The following ZNF219 variants were observed in gnomAD, a reference collection of about 807,000 sequenced individuals.
ZNF219 encodes zinc finger protein 219.
ZNF219 carries 17 observed loss-of-function variants against 54.4 expected under a neutral mutation model. The observed-to-expected ratio is 0.31, with a 90% CI of 0.21 to 0.47. The LOEUF is 0.47. ZNF219 is among the 20% of genes least tolerant of loss of function. ZNF219 has a pLI of 1.00. For missense variants in ZNF219, 1,014 were observed against 1,062.3 expected (o/e 0.95, Z 0.63); for synonymous variants, 518 against 476.4 (o/e 1.09, Z -1.14).
chr14:21,092,213 G>T lies in ZNF219; in HGVS notation c.1084C>A (p.Leu362Ile). 6.9e-7 allele frequency: 1 copy of T among 1,439,080 alleles called. No individual in the cohort carries two copies. The highest frequency in any genetic ancestry group is 1.5e-5 in the South Asian group (1 of 68,172). 89.1% of individuals were successfully genotyped at this position (1,439,080 alleles called of 1,614,324 possible). A position where few individuals can be genotyped will look rare whatever the true frequency, so the allele number is the denominator to read the frequency against. Residue 362 changes from leucine (L) to isoleucine (I), a missense_variant, in exon 3 of 5, where the codon CTC (leucine) becomes ATC (isoleucine). This residue lies in a region of ZNF219 where 272 missense variants were observed against 248.9 expected (regional missense o/e 1.09). Transcript: ENST00000360947. ...GCCGGGGTGGGAGCCGGGGCCAAGA[G>T]GAGCGCTGGGCCCAACGGCTCATAG... ...LAYEPLGPAL[L>I]LAPAPTPAER...
At chr14:21,101,090 G>A (rs1241564438), upstream of ZNF219, 1 of 352,564 alleles carries the variant, frequency 2.8e-6, no homozygotes, top group East Asian at 5.9e-5. Flanking sequence ...TCCTCTGCCA[G>A]GACAAGTTTG....
chr14:21,096,955 C>G (rs1490169426), intron 1 of ZNF219, among the ~76,000 whole-genome samples: 1 of 152,196 alleles, frequency 6.6e-6, no homozygotes, highest in Non-Finnish European at 1.5e-5. Context: ...CTCTGGTCAC[C>G]TCTAACACGA....
At chr14:21,103,081 T>G, upstream of ZNF219, 1 of 1,550,958 alleles carries the variant, frequency 6.4e-7, no homozygotes, top group Non-Finnish European at 8.7e-7. Flanking sequence ...GTTGTTTCTG[T>G]CTGGGGTTTC....
upstream of ZNF219, chr14:21,102,392 G>T: frequency 6.4e-7 from 1 of 1,551,608 alleles, no homozygotes; most frequent in Non-Finnish European, 8.7e-7. Flanking sequence ...GGGCTGAGCT[G>T]GCTCACTGGC....
chr14:21,101,523 C>T, upstream of ZNF219: 1 of 1,401,374 alleles, frequency 7.1e-7, no homozygotes, highest in Non-Finnish European at 9.8e-7. Flanking sequence ...TCCATCCATC[C>T]ATCCATGTTA....
At chr14:21,098,128 C>T (rs1027404964) in intron 1 of ZNF219, among the ~76,000 whole-genome samples, 184 bp downstream of exon 1, 2 of 150,232 alleles carry the variant, frequency 1.3e-5, no homozygotes, top group African/African-American at 2.4e-5. Flanking sequence ...ACCCCGCCCC[C>T]CCAGGAGCTC....
At chr14:21,101,237 G>T (rs965456007), upstream of ZNF219, 25 of 1,005,128 alleles carry the variant, frequency 2.5e-5, no homozygotes, top group Non-Finnish European at 3.7e-5. Flanking sequence ...GTGGGCAGAG[G>T]TGTAGCTGAA....
chr14:21,102,117 G>A, upstream of ZNF219: 2 of 1,550,802 alleles, frequency 1.3e-6, no homozygotes, highest in Non-Finnish European at 1.7e-6. Flanking sequence ...CCCGCCTTTG[G>A]AAGGTGAGAG....
At chr14:21,102,301 C>A, upstream of ZNF219, 1 of 1,451,688 alleles carries the variant, frequency 6.9e-7, no homozygotes, top group South Asian at 1.3e-5. Flanking sequence ...TGTTTGGAGG[C>A]TGAGAAGCAG....
In ZNF219 at chr14:21,093,510, AAGAG is replaced by A. The variant is rs1165505837; in HGVS notation, c.6+72_6+75del. 5.2e-6 allele frequency: 8 copies of A among 1,529,782 alleles called. No homozygotes were observed. The East Asian group carries it at 1.1e-4, about 22-fold the overall frequency. 94.8% of individuals were successfully genotyped at this position (1,529,782 alleles called of 1,614,324 possible). A position where few individuals can be genotyped will look rare whatever the true frequency, so the allele number is the denominator to read the frequency against. The stretch of plus-strand genomic sequence containing the variant: ...GTTAACTTCTAATAATGGGAGGTCA[AAGAG>A]AGAGAGAGGTAGGCAGGAGAGGGAG... On this transcript the variant is annotated intron_variant, in intron 2 of 4. Transcript: ENST00000360947.
At chr14:21,103,900 C>T (rs898212049), upstream of ZNF219, 6 of 152,420 alleles carry the variant, frequency 3.9e-5, no homozygotes, top group Non-Finnish European at 8.8e-5. Flanking sequence ...GTCCCCAGCC[C>T]TGCGCTGGCA....
In ZNF219 at chr14:21,092,000, C is replaced by T. The variant is rs1270443905; in HGVS notation, c.1297G>A (p.Val433Met). 1.3e-6 allele frequency: 2 copies of T among 1,558,596 alleles called. No individual in the cohort carries two copies. Among genetic ancestry groups the T allele is most frequent in the Non-Finnish European group, 1.7e-6 (2 of 1,151,752 alleles). ...AEEPEEEEEVVEAEEETWARG... is the reference protein window; with the variant it reads ...AEEPEEEEEVMEAEEETWARG... ...GCCCAGGTTTCCTCCTCGGCCTCCA[C>T]CACCTCCTCTTCTTCCTCAGGCTCC... is the stretch of plus-strand genomic sequence containing the variant. The change falls in exon 3 of 5, where the codon GTG (valine) becomes ATG (methionine). Residue 433 changes from valine (V) to methionine (M), a missense_variant. Val to Met is a conservative substitution (Grantham distance 21). Around this residue, in one of 5 missense-constraint regions of ZNF219, gnomAD observed 272 missense variants for 248.9 expected, o/e 1.09. Coordinates refer to ENST00000360947, the MANE Select transcript of ZNF219 (RefSeq NM_016423.3).
chr14:21,096,350 A>G (rs912139878), intron 1 of ZNF219, among the ~76,000 whole-genome samples: 2 of 152,216 alleles, frequency 1.3e-5, no homozygotes, highest in Non-Finnish European at 1.5e-5. Flanking sequence ...CCTAAAATCA[A>G]CAAAACTCAC....
In ZNF219 at chr14:21,090,885, C is replaced by T. The variant is rs746104057; in HGVS notation, c.1820G>A (p.Arg607Gln). Reference protein sequence around the residue: ...PSSGAGPGSRRKPASPGRTLR... With the variant: ...PSSGAGPGSRQKPASPGRTLR... ...GGTCCTCCCAGGGCTGGCGGGCTTC[C>T]GACGGGACCCCGGCCCAGCACCGCT... Residue 607 changes from arginine to glutamine, a missense_variant, in exon 5 of 5, where the codon CGG becomes CAG. Around this residue, in one of 5 missense-constraint regions of ZNF219, gnomAD observed 281 missense variants for 271.2 expected, o/e 1.04. Coordinates refer to ENST00000360947, the MANE Select transcript of ZNF219 (RefSeq NM_016423.3). This position sits in a 1 kb window ranked among gnomAD's most constrained non-coding sequence, Gnocchi z 4.4. 2.6e-6 allele frequency: 4 copies of T among 1,550,486 alleles called. No individual in the cohort carries two copies. The highest frequency in any genetic ancestry group is 2.4e-5 in the East Asian group (1 of 41,470).
rs1888920275 is a variant in ZNF219 at position 21,091,918 on chromosome 14, G to A, written c.1379C>T (p.Pro460Leu). ...CCCAGCAGCAGAGGCAGAGTGCCCC[G>A]GTCCCTCACCCGGGCGCGGGTGCAG... ...ASLHPRPGEG[P>L]GHSASAAGAQ... The change falls in exon 3 of 5, where the codon CCG (proline) becomes CTG (leucine). Residue 460 changes from proline to leucine, a missense_variant. Pro to Leu is a moderately conservative substitution (Grantham distance 98). Around this residue, in one of 5 missense-constraint regions of ZNF219, gnomAD observed 272 missense variants for 248.9 expected, o/e 1.09. Coordinates refer to ENST00000360947, the MANE Select transcript of ZNF219 (RefSeq NM_016423.3). The A allele has an allele frequency of 1.2e-6, 2 of 1,600,242 alleles. No homozygotes were observed. Among genetic ancestry groups the A allele is most frequent in the South Asian group, 1.1e-5 (1 of 89,214 alleles).
At chr14:21,096,415 G>T (rs1889280534) in intron 1 of ZNF219, among the ~76,000 whole-genome samples, 1 of 152,136 alleles carries the variant, frequency 6.6e-6, no homozygotes, top group African/African-American at 2.4e-5. Flanking sequence ...ATCAAACCAG[G>T]TTCCAGACAC....
chr14:21,102,365 C>G (rs1238755913), upstream of ZNF219: 1 of 1,546,536 alleles, frequency 6.5e-7, no homozygotes, highest in East Asian at 2.4e-5. Context: ...GTTGGAATGA[C>G]TCCCCTAGGC....
chr14:21,091,552 A>G lies in ZNF219; in HGVS notation c.1433-10T>C, dbSNP rs1250336915. 1.3e-6 allele frequency: 2 copies of G among 1,589,662 alleles called. No individual in the cohort carries two copies. The highest frequency in any genetic ancestry group is 1.7e-6 in the Non-Finnish European group (2 of 1,161,288). On this transcript the variant is annotated splice_polypyrimidine_tract_variant and intron_variant, in intron 3 of 4. Coordinates refer to ENST00000360947, the MANE Select transcript of ZNF219 (RefSeq NM_016423.3). ...AACAGCCCATTCTCTTCTGCAACAC[A>G]TACGTTAAGAGGAAGTCAGGGGGGC...
chr14:21,101,959 T>C (rs757512802), upstream of ZNF219: 1 of 1,551,692 alleles, frequency 6.4e-7, no homozygotes, highest in Non-Finnish European at 8.7e-7. Flanking sequence ...GCGCTGCCTC[T>C]TGGGCCTGGA....
Sources: gnomAD v4.1 joint callset for allele counts (sites outside exome capture counted in the v4.1 genomes callset) on GRCh38, gnomAD v4.1.1 for gene constraint, gnomAD v4.1.1 regional missense constraint, Gnocchi (gnomAD v3.1) non-coding constraint, MANE v1.5 for transcripts, NCBI Gene and HGNC (gene_info 2026-07-23, HGNC 2026-07-21) for gene names.